The following FAM184A variants were observed in gnomAD, a reference collection of about 807,000 sequenced individuals.
FAM184A encodes family with sequence similarity 184 member A.
A neutral mutation model predicts 143.8 loss-of-function variants in FAM184A; 99 were observed. That is an observed-to-expected ratio of 0.69 (90% CI 0.58 to 0.81). The LOEUF (loss-of-function observed/expected upper bound fraction) is 0.81. FAM184A is among the 40% of genes least tolerant of loss of function. FAM184A has a pLI of 0.00. For missense variants in FAM184A, 1,217 were observed against 1,310.5 expected (o/e 0.93, Z 1.10); for synonymous variants, 427 against 446.4 (o/e 0.96, Z 0.55).
intron 9 of FAM184A, among the ~76,000 whole-genome samples, chr6:119,000,563 C>G (rs544332585): frequency 6.6e-6 from 1 of 152,204 alleles, no homozygotes; most frequent in South Asian, 2.1e-4. Context: ...AGATAGGCAG[C>G]CCATGATGGC....
At chr6:119,137,449 C>T (rs750536316) in intron 1 of FAM184A, among the ~76,000 whole-genome samples, 1 of 152,200 alleles carries the variant, frequency 6.6e-6, no homozygotes, top group Non-Finnish European at 1.5e-5. Flanking sequence ...AAAGCCCTAT[C>T]TGCAAATACA....
chr6:119,011,304 C>T lies in FAM184A; in HGVS notation c.1653+5G>A, dbSNP rs1302512591. ...ACATAGGCAACAGGTCTAAAGAATT[C>T]TTGCCTCTTGATTGGCTGTATTCAA... On this transcript the variant is annotated splice_donor_5th_base_variant and intron_variant, in intron 6 of 17. Transcript: ENST00000338891. The T allele has an allele frequency of 6.2e-7, 1 of 1,606,882 alleles. No individual in the cohort carries two copies. The highest frequency in any genetic ancestry group is 1.7e-5 in the Admixed American group (1 of 59,066).
At chr6:119,126,250 A>C (rs555114441) in intron 1 of FAM184A, among the ~76,000 whole-genome samples, 26 of 152,282 alleles carry the variant, frequency 1.7e-4, no homozygotes, top group Middle Eastern at 3.4e-3. Flanking sequence ...AAAAGTCAGC[A>C]ATGGAGAATC....
chr6:119,120,294 A>G (rs1385977444), intron 1 of FAM184A, among the ~76,000 whole-genome samples: 1 of 152,234 alleles, frequency 6.6e-6, no homozygotes, highest in Non-Finnish European at 1.5e-5. Flanking sequence ...CTTTCAGGAA[A>G]CATAATGTTT....
In FAM184A at chr6:118,970,008, A is replaced by ATATATATATTTTTTT; in HGVS notation, c.2916-3057_2916-3056insAAAAAAATATATATA. The stretch of plus-strand genomic sequence containing the variant: ...ATATATATATAATATATATATATAT[A>ATATATATATTTTTTT]TTTTTTTTTTTTTGAGATGGAGTTT... On this transcript the variant is annotated intron_variant, in intron 14 of 17. Coordinates refer to ENST00000338891, the MANE Select transcript of FAM184A (RefSeq NM_024581.6). Among the ~76,000 whole-genome samples, 25 of 19,050 alleles carry ATATATATATTTTTTT rather than the reference A, an allele frequency of 1.3e-3. 2 individuals are homozygous for ATATATATATTTTTTT. Among genetic ancestry groups the ATATATATATTTTTTT allele is most frequent in the Admixed American group, 3.0e-3 (4 of 1,316 alleles). The allele number at this position is 19,050 out of a possible 152,430, so 12.5% of individuals were successfully genotyped here.
At chr6:119,146,991 A>T (rs1406504254) in intron 1 of FAM184A, among the ~76,000 whole-genome samples, 1 of 151,926 alleles carries the variant, frequency 6.6e-6, no homozygotes. Flanking sequence ...GTAGTTTATT[A>T]TCAGGATAGA....
chr6:119,028,970 C>A (rs975774058), intron 1 of FAM184A, among the ~76,000 whole-genome samples: 6 of 152,076 alleles, frequency 3.9e-5, no homozygotes, highest in African/African-American at 1.4e-4. Flanking sequence ...ATTTTGGTGA[C>A]CAGAGGTGAG....
chr6:118,974,483 C>A lies in FAM184A; in HGVS notation c.2860G>T (p.Asp954Tyr), dbSNP rs1783788669. ...HLREKNIMRADFNKTNELLKE... is the reference protein window; with the variant it reads ...HLREKNIMRAYFNKTNELLKE... ...AGTAGCTCGTTAGTCTTATTAAAAT[C>A]TGCCCGCATGATATTTTTCTCTCTG... The change falls in exon 14 of 18, where the codon GAT (aspartate) becomes TAT (tyrosine). Residue 954 changes from aspartate (D) to tyrosine (Y), a missense_variant. By Grantham distance (160) the Asp-to-Tyr change is radical. Coordinates refer to ENST00000338891, the MANE Select transcript of FAM184A (RefSeq NM_024581.6). The A allele has an allele frequency of 1.9e-6, 3 of 1,612,762 alleles. No homozygotes were observed.
At chr6:119,042,804 T>C (rs1161208837) in intron 1 of FAM184A, among the ~76,000 whole-genome samples, 1 of 152,200 alleles carries the variant, frequency 6.6e-6, no homozygotes, top group African/African-American at 2.4e-5. Flanking sequence ...CATATCACTC[T>C]ACTACACGAT....
At chr6:119,145,660 C>G (rs1161281361) in intron 1 of FAM184A, among the ~76,000 whole-genome samples, 1 of 152,214 alleles carries the variant, frequency 6.6e-6, no homozygotes, top group African/African-American at 2.4e-5. Flanking sequence ...TATATTTCAA[C>G]CACATTCCTC....
At chr6:119,087,744 A>G (rs1022267020) in intron 1 of FAM184A, among the ~76,000 whole-genome samples, 29 of 152,212 alleles carry the variant, frequency 1.9e-4, no homozygotes, top group Admixed American at 1.7e-3. Flanking sequence ...TTTCACCTCT[A>G]AGTATATACC....
In FAM184A at chr6:119,078,376, C is replaced by A; in HGVS notation, c.-77G>T. ...CCGTGGAGCAACGACGCCCGGGAGGCAAGAGTCGCGGCGGCCGCTTCCCGA... is the reference window on the plus strand; with the variant it reads ...CCGTGGAGCAACGACGCCCGGGAGGAAAGAGTCGCGGCGGCCGCTTCCCGA... On this transcript the variant is annotated 5_prime_UTR_variant, in exon 1 of 18. Transcript: ENST00000338891. The surrounding 1 kb of genome is among the most constrained non-coding windows in gnomAD (Gnocchi z 5.5). The A allele has an allele frequency of 1.5e-6, 2 of 1,336,540 alleles. No homozygotes were observed. Among genetic ancestry groups the A allele is most frequent in the East Asian group, 6.2e-5 (2 of 32,168 alleles). The allele number at this position is 1,336,540 out of a possible 1,614,324, so 82.8% of individuals were successfully genotyped here.
rs767415443 is a variant in FAM184A at position 118,980,112 on chromosome 6, T to C, written c.2301+26A>G. On this transcript the variant is annotated intron_variant, in intron 10 of 17. Transcript: ENST00000338891. Reference sequence around the variant, plus strand: ...TTATTATTAGGCAGTTGGGTTACATTTGAACGTATGTCACATAAAACTTAC... The same window carrying C: ...TTATTATTAGGCAGTTGGGTTACATCTGAACGTATGTCACATAAAACTTAC... 1.9e-6 allele frequency: 3 copies of C among 1,597,684 alleles called. No individual in the cohort carries two copies. In the Admixed American group the frequency reaches 5.0e-5, roughly 27 times the overall value.
chr6:118,970,753 G>A (rs1349717826), intron 14 of FAM184A, among the ~76,000 whole-genome samples: 3 of 152,114 alleles, frequency 2.0e-5, no homozygotes, highest in South Asian at 4.1e-4. Flanking sequence ...AAGGAGAAAG[G>A]AGAAGTAGAA....
At position 119,129,098 on chromosome 6, in the gene FAM184A, A is replaced by G. The variant is rs999694482; in HGVS notation, c.-202+19980T>C. On this transcript the variant is annotated intron_variant, in intron 1 of 16. Transcript: ENST00000352896. ...TGCCAATCAGGAAGTCTTTGAATCT[A>G]CCTATAACCTGGAAGCCCCTCTCTC... is the stretch of plus-strand genomic sequence containing the variant. Among the ~76,000 whole-genome samples the G allele has an allele frequency of 6.6e-5, 10 of 152,144 alleles. No homozygotes were observed. In the South Asian group the frequency reaches 1.0e-3, roughly 16 times the overall value.
At chr6:118,960,889 A>G (rs1301496310) in intron 17 of FAM184A, 3 of 1,207,132 alleles carry the variant, frequency 2.5e-6, no homozygotes, top group Admixed American at 2.2e-5. Flanking sequence ...CACAAGGGAA[A>G]ATAAGCAACA....
chr6:119,130,044 A>C (rs978870314), intron 1 of FAM184A, among the ~76,000 whole-genome samples: 2 of 151,458 alleles, frequency 1.3e-5, no homozygotes, highest in African/African-American at 4.8e-5. Flanking sequence ...GGTTTTAAAC[A>C]TTTTTTTTTA....
chr6:119,072,597 C>T (rs945137995), intron 1 of FAM184A, among the ~76,000 whole-genome samples: 1 of 152,142 alleles, frequency 6.6e-6, no homozygotes, highest in Non-Finnish European at 1.5e-5. Context: ...TATATAAACA[C>T]ATTCTGGTTT....
chr6:119,016,705 T>G, intron 5 of FAM184A, 42 bp downstream of exon 5: 1 of 1,528,132 alleles, frequency 6.5e-7, no homozygotes, highest in Non-Finnish European at 9.1e-7. Flanking sequence ...TACAGAAATA[T>G]CATCAATTTA....
Sources: gnomAD v4.1 joint callset for allele counts (sites outside exome capture counted in the v4.1 genomes callset) on GRCh38, gnomAD v4.1.1 for gene constraint, Gnocchi (gnomAD v3.1) non-coding constraint, MANE v1.5 for transcripts, NCBI Gene and HGNC (gene_info 2026-07-23, HGNC 2026-07-21) for gene names.